The following CAMKMT variants were observed in gnomAD, a reference collection of about 807,000 sequenced individuals.
The protein encoded by CAMKMT is calmodulin-lysine N-methyltransferase.
A neutral mutation model predicts 48.0 loss-of-function variants in CAMKMT; 53 were observed. The ratio of observed to expected loss-of-function variants is 1.10; its 90% CI spans 0.89 to 1.39. The LOEUF (loss-of-function observed/expected upper bound fraction) is 1.39, where lower values mean the gene tolerates loss of function less well. Among genes scored for constraint, CAMKMT ranks in the 40% most tolerant of loss-of-function variants. The probability of loss-of-function intolerance (pLI) is 0.00; values close to 1 mark genes in which losing one functional copy is unlikely to be tolerated. For synonymous variants in CAMKMT, 165 were observed against 152.3 expected (o/e 1.08, Z -0.61); for missense variants, 428 against 402.7 (o/e 1.06, Z -0.54).
intron 3 of CAMKMT, among the ~76,000 whole-genome samples, chr2:44,426,852 C>G (rs1684310542): frequency 6.6e-6 from 1 of 152,028 alleles, no homozygotes; most frequent in East Asian, 1.9e-4. Context: ...AAAAAAGAGC[C>G]CAAGTAGCCA....
intron 3 of CAMKMT, among the ~76,000 whole-genome samples, chr2:44,433,871 A>C (rs976230038): frequency 5.9e-5 from 9 of 152,264 alleles, no homozygotes; most frequent in African/African-American, 1.9e-4. Flanking sequence ...GTGGGATCTC[A>C]CCATGCCCTT....
At chr2:44,504,593 G>C (rs1355343405) in intron 3 of CAMKMT, among the ~76,000 whole-genome samples, 1 of 152,046 alleles carries the variant, frequency 6.6e-6, no homozygotes. Flanking sequence ...AATTGAGGTG[G>C]GGCCTTTTAG....
At chr2:44,770,599 C>G (rs910201324) in intron 10 of CAMKMT, among the ~76,000 whole-genome samples, 1 of 152,186 alleles carries the variant, frequency 6.6e-6, no homozygotes, top group African/African-American at 2.4e-5. Context: ...TCCTCTCTTC[C>G]CTCTGTAAAA....
At chr2:44,670,876 G>A (rs1003164447) in intron 3 of CAMKMT, among the ~76,000 whole-genome samples, 2 of 151,976 alleles carry the variant, frequency 1.3e-5, no homozygotes, top group African/African-American at 4.8e-5. Context: ...TCTCTCCATG[G>A]TTCCTTAGAG....
rs745332586 is a variant in CAMKMT at position 44,583,626 on chromosome 2, G to T, written c.377-120657G>T. Among the ~76,000 whole-genome samples the T allele has an allele frequency of 2.6e-5, 4 of 152,016 alleles. No individual in the cohort carries two copies. The South Asian group carries it at 6.2e-4, about 24-fold the overall frequency. ...TAGGCTGGTCTCATAGGGAGATTCT[G>T]TCTCTACAAAAAATAAAAAAATAGC... On this transcript the variant is annotated intron_variant, in intron 3 of 10. Transcript: ENST00000378494.
chr2:44,416,169 T>C (rs1011824143), intron 3 of CAMKMT, among the ~76,000 whole-genome samples: 3 of 152,216 alleles, frequency 2.0e-5, no homozygotes, highest in African/African-American at 7.2e-5. Flanking sequence ...TGTTAATGGA[T>C]ATGTTTTGGG....
Position 44,582,921 on chromosome 2 carries a change from A to G in CAMKMT, c.377-121362A>G, listed in dbSNP as rs111768297. Among the ~76,000 whole-genome samples, 508 of 152,250 alleles carry G rather than the reference A, an allele frequency of 3.3e-3. 2 individuals carry two copies. The highest frequency in any genetic ancestry group is 0.024 in the Middle Eastern group (7 of 294). Reference sequence around the variant, plus strand: ...GAGAGAAGCCTAAATTTGTGTGTATATTCCTTTCCTTTATCTTTTGGCTGC... The same window carrying G: ...GAGAGAAGCCTAAATTTGTGTGTATGTTCCTTTCCTTTATCTTTTGGCTGC... On this transcript the variant is annotated intron_variant, in intron 3 of 10. Transcript: ENST00000378494.
At chr2:44,417,115 C>T (rs1234634119) in intron 3 of CAMKMT, among the ~76,000 whole-genome samples, 2 of 151,764 alleles carry the variant, frequency 1.3e-5, no homozygotes, top group Non-Finnish European at 2.9e-5. Context: ...CCTTTTTATT[C>T]CCGAGTAGTA....
intron 3 of CAMKMT, among the ~76,000 whole-genome samples, chr2:44,443,414 G>C (rs1666790827): frequency 6.6e-6 from 1 of 152,004 alleles, no homozygotes; most frequent in East Asian, 1.9e-4. Context: ...TATCACTGCA[G>C]CATGTATGTA....
At chr2:44,448,314 A>G (rs1356186821) in intron 3 of CAMKMT, among the ~76,000 whole-genome samples, 2 of 152,170 alleles carry the variant, frequency 1.3e-5, no homozygotes, top group African/African-American at 4.8e-5. Flanking sequence ...GCACATTTCA[A>G]ACCTGTGTTG....
At chr2:44,405,376 A>G (rs1452747654) in intron 3 of CAMKMT, among the ~76,000 whole-genome samples, 1 of 152,094 alleles carries the variant, frequency 6.6e-6, no homozygotes, top group Non-Finnish European at 1.5e-5. Context: ...AAAAGAATGG[A>G]TTGAGTTATA....
intron 3 of CAMKMT, among the ~76,000 whole-genome samples, chr2:44,607,803 G>T (rs555285901): frequency 9.7e-4 from 148 of 151,966 alleles, no homozygotes; most frequent in African/African-American, 3.5e-3. Context: ...AAGTTATAGT[G>T]TTATATATGC....
chr2:44,430,057 G>C (rs1459611919), intron 3 of CAMKMT, among the ~76,000 whole-genome samples: 2 of 151,906 alleles, frequency 1.3e-5, no homozygotes, highest in Non-Finnish European at 1.5e-5. Context: ...ATGACTTCTT[G>C]ATACTTTCAA....
In CAMKMT at chr2:44,579,722, TGAG is replaced by T. The variant is rs1669440412; in HGVS notation, c.377-124560_377-124558del. On this transcript the variant is annotated intron_variant, in intron 3 of 10. Coordinates refer to ENST00000378494, the MANE Select transcript of CAMKMT (RefSeq NM_024766.5). ...AAGGCAGCTGATTTACTCCAGACAG[TGAG>T]AGATTTGGCCACTCAGGGATGTGGA... 2.6e-5 allele frequency among the ~76,000 whole-genome samples: 4 copies of T among 152,266 alleles called. No homozygotes were observed. In the South Asian group the frequency reaches 8.3e-4, roughly 32 times the overall value.
rs1449375882 is a variant in CAMKMT, at chr2:44,539,814, C to A, written c.376+149509C>A. Among the ~76,000 whole-genome samples the A allele has an allele frequency of 2.0e-5, 3 of 152,076 alleles. No homozygotes were observed. The East Asian group carries it at 5.8e-4, about 29-fold the overall frequency. On this transcript the variant is annotated intron_variant, in intron 3 of 10. Transcript: ENST00000378494. The stretch of plus-strand genomic sequence containing the variant: ...AAGCATATTACCAGAAATGATGATG[C>A]ACTTTATTGGCATGTCATATCAGGG...
intron 3 of CAMKMT, among the ~76,000 whole-genome samples, chr2:44,518,547 C>G (rs1670946432): frequency 6.6e-6 from 1 of 152,160 alleles, no homozygotes; most frequent in African/African-American, 2.4e-5. Flanking sequence ...TTAGTCAACT[C>G]AATTAAATTA....
chr2:44,588,236 G>A (rs1443848301), intron 3 of CAMKMT, among the ~76,000 whole-genome samples: 4 of 51,944 alleles, frequency 7.7e-5, no homozygotes, highest in African/African-American at 2.6e-4. Flanking sequence ...GAGCCCCTCC[G>A]TCCGGCAGCC....
chr2:44,665,543 A>G (rs922009113), intron 3 of CAMKMT, among the ~76,000 whole-genome samples: 5 of 152,212 alleles, frequency 3.3e-5, no homozygotes, highest in Non-Finnish European at 5.9e-5. Context: ...GAACCAGGCA[A>G]TGATAGCTGG....
At chr2:44,378,886 T>G (rs1335068376) in intron 2 of CAMKMT, among the ~76,000 whole-genome samples, 1 of 152,200 alleles carries the variant, frequency 6.6e-6, no homozygotes, top group African/African-American at 2.4e-5. Context: ...ACTTTGTATT[T>G]TTGGATCAAT....
Sources: allele counts gnomAD v4.1 joint callset (sites outside exome capture counted in the v4.1 genomes callset), GRCh38; gene constraint gnomAD v4.1.1; transcripts MANE v1.5; gene names NCBI Gene and HGNC (gene_info 2026-07-23, HGNC 2026-07-21).